The following ASCC3 variants were observed in gnomAD, a reference collection of about 807,000 sequenced individuals.
The protein encoded by ASCC3 is activating signal cointegrator 1 complex subunit 3, also known as ASC-1 complex subunit P200.
In ASCC3, 158 loss-of-function variants were observed where a neutral mutation model predicts 256.3. The ratio of observed to expected loss-of-function variants is 0.62; its 90% confidence interval spans 0.54 to 0.70. ASCC3 has a LOEUF of 0.70. ASCC3 is among the 30% of genes least tolerant of loss of function. ASCC3 has a pLI of 0.00. For synonymous variants in ASCC3, 948 were observed against 883.4 expected (o/e 1.07, Z -1.30); for missense variants, 2,259 against 2,626.0 (o/e 0.86, Z 3.05).
chr6:100,532,715 T>C (rs1774977408), intron 37 of ASCC3, among the ~76,000 whole-genome samples: 1 of 152,012 alleles, frequency 6.6e-6, no homozygotes. Context: ...CAATGACACA[T>C]TAAAACTGCT....
chr6:100,818,385 G>C (rs1278347963), intron 4 of ASCC3, among the ~76,000 whole-genome samples: 1 of 151,756 alleles, frequency 6.6e-6, no homozygotes, highest in Non-Finnish European at 1.5e-5. Context: ...TGGCCAAGAT[G>C]GTGAAACCCC....
rs1562251336 is a variant in ASCC3 at position 100,723,885 on chromosome 6, TA to T, written c.1902+1653del. On this transcript the variant is annotated intron_variant, in intron 11 of 41. Coordinates refer to ENST00000369162, the MANE Select transcript of ASCC3 (RefSeq NM_006828.4). ...TTATATATATATATATATATATATA[TA>T]TATATATATATTTATAATTATATAT... Among the ~76,000 whole-genome samples, 14 of 136,318 alleles carry T rather than the reference TA, an allele frequency of 1.0e-4. 1 individual carries two copies. The highest frequency in any genetic ancestry group is 1.5e-4 in the Non-Finnish European group (10 of 64,702). 89.4% of individuals were successfully genotyped at this position (136,318 alleles called of 152,430 possible).
intron 30 of ASCC3, among the ~76,000 whole-genome samples, chr6:100,616,003 A>G (rs1245395698): frequency 6.6e-6 from 1 of 152,220 alleles, no homozygotes; most frequent in Non-Finnish European, 1.5e-5. Flanking sequence ...TGAGTTAGAA[A>G]TGATGTTGTT....
intron 36 of ASCC3, among the ~76,000 whole-genome samples, chr6:100,579,953 C>A (rs954372773): frequency 2.6e-5 from 4 of 152,152 alleles, no homozygotes; most frequent in African/African-American, 4.8e-5. Flanking sequence ...TCTTCCTATT[C>A]ATGAATACGA....
At chr6:100,679,152 T>G (rs1777165739) in intron 14 of ASCC3, among the ~76,000 whole-genome samples, 2 of 151,656 alleles carry the variant, frequency 1.3e-5, no homozygotes. Flanking sequence ...TTTGAGCATG[T>G]GTACACTGAG....
At chr6:100,644,238 A>G in intron 22 of ASCC3, 109 bp from the exon 23 acceptor site, 1 of 768,816 alleles carries the variant, frequency 1.3e-6, no homozygotes, top group Non-Finnish European at 2.3e-6. Context: ...TATATTACAA[A>G]GTTTACTCAT....
At position 100,642,693 on chromosome 6, in the gene ASCC3, C is replaced by T. The variant is rs769678766; in HGVS notation, c.3789G>A (p.Leu1263=). ...LVFTIPIFEP[L]PSQYYIRAVS... Reference sequence around the variant, plus strand: ...CTGCTCGGATGTAGTATTGGGAAGGCAAAGGCTCAAAAATAGGGATTGTAA... The same window carrying T: ...CTGCTCGGATGTAGTATTGGGAAGGTAAAGGCTCAAAAATAGGGATTGTAA... Residue 1263 remains leucine (L), a synonymous_variant, in exon 24 of 42, where the codon TTG becomes TTA. Transcript: ENST00000369162. 38 of 1,613,828 alleles carry T rather than the reference C, an allele frequency of 2.4e-5. No homozygotes were observed. The highest frequency in any genetic ancestry group is 3.1e-5 in the Non-Finnish European group (37 of 1,179,838).
intron 36 of ASCC3, among the ~76,000 whole-genome samples, chr6:100,567,510 A>G (rs77964892): frequency 0.016 from 2,452 of 152,282 alleles, 64 homozygotes; most frequent in African/African-American, 0.056. Context: ...GAATGATTCT[A>G]TCACCCAAGT....
In ASCC3 at chr6:100,627,711, C is replaced by G. The variant is rs1774311897; in HGVS notation, c.4522-1G>C. 1 of 1,613,280 alleles carries G rather than the reference C, an allele frequency of 6.2e-7. No individual in the cohort carries two copies. The highest frequency in any genetic ancestry group is 8.5e-7 in the Non-Finnish European group (1 of 1,179,680). On this transcript the variant is annotated splice_acceptor_variant, in intron 28 of 41. Coordinates refer to ENST00000369162, the MANE Select transcript of ASCC3 (RefSeq NM_006828.4). LOFTEE classifies it high-confidence loss of function. ...ATGGTCGGAAGTTAAACAAGCCCAT[C>G]TAGAGTAAATATGAGAGAGAAACCA...
intron 24 of ASCC3, among the ~76,000 whole-genome samples, chr6:100,640,713 C>T (rs1383822246): frequency 8.5e-5 from 13 of 152,108 alleles, no homozygotes; most frequent in Non-Finnish European, 8.8e-5. Flanking sequence ...CTAGATACTA[C>T]AATCTCATTA....
chr6:100,611,866 T>A (rs1355556176), intron 30 of ASCC3, among the ~76,000 whole-genome samples: 2 of 148,890 alleles, frequency 1.3e-5, no homozygotes, highest in African/African-American at 2.5e-5. Context: ...GCTATAGAAT[T>A]AAAAAAAAAA....
intron 10 of ASCC3, among the ~76,000 whole-genome samples, chr6:100,748,628 C>G (rs1780794106): frequency 6.6e-6 from 1 of 151,956 alleles, no homozygotes; most frequent in Non-Finnish European, 1.5e-5. Flanking sequence ...AGCACCACAT[C>G]TTTCACACAA....
At chr6:100,779,026 A>C (rs1479901926) in intron 8 of ASCC3, among the ~76,000 whole-genome samples, 2 of 152,150 alleles carry the variant, frequency 1.3e-5, no homozygotes, top group African/African-American at 4.8e-5. Context: ...AAAAATCTTT[A>C]AGGTAATTTT....
rs148730899 is a variant in ASCC3 at position 100,770,169 on chromosome 6, A to C, written c.1396-2824T>G. Among the ~76,000 whole-genome samples the C allele has an allele frequency of 5.2e-3, 794 of 152,156 alleles. 8 individuals are homozygous for C. The highest frequency in any genetic ancestry group is 0.018 in the African/African-American group (764 of 41,574). On this transcript the variant is annotated intron_variant, in intron 8 of 41. Coordinates refer to ENST00000369162, the MANE Select transcript of ASCC3 (RefSeq NM_006828.4). ...CAGACTAATACTCCTCAAAGCATAA[A>C]TTTAAAAATTATAAATGACATAATA...
intron 36 of ASCC3, among the ~76,000 whole-genome samples, chr6:100,586,192 C>T (rs1385563157): frequency 1.3e-5 from 2 of 152,198 alleles, no homozygotes; most frequent in Admixed American, 6.5e-5. Context: ...AGAGGTGGGG[C>T]CTACAGAGGC....
In ASCC3 at chr6:100,859,030, T is replaced by G; in HGVS notation, c.241+5034A>C. 6.9e-6 allele frequency: 5 copies of G among 726,552 alleles called. No homozygotes were observed. The South Asian group carries it at 7.3e-5, about 11-fold the overall frequency. 45.0% of individuals were successfully genotyped at this position (726,552 alleles called of 1,614,324 possible). ...TAGATTTCTTTGTACTTAAGGTTTT[T>G]AATTACAGATTAAATTCCTTTAATA... On this transcript the variant is annotated intron_variant, in intron 3 of 41. Transcript: ENST00000369162.
chr6:100,558,071 G>GA (rs61091826), intron 36 of ASCC3, among the ~76,000 whole-genome samples: 7,589 of 129,376 alleles, frequency 0.059, 245 homozygotes, highest in African/African-American at 0.083. Context: ...TCACTTCTTT[G>GA]AAAAAAAAAA....
At chr6:100,795,341 G>A (rs565069856) in intron 8 of ASCC3, among the ~76,000 whole-genome samples, 4 of 152,006 alleles carry the variant, frequency 2.6e-5, no homozygotes, top group African/African-American at 9.6e-5. Flanking sequence ...AAACACAAAA[G>A]GGGGTGGGTA....
intron 14 of ASCC3, among the ~76,000 whole-genome samples, chr6:100,676,364 G>A (rs188904072): frequency 1.8e-4 from 28 of 152,240 alleles, no homozygotes; most frequent in African/African-American, 6.7e-4. Flanking sequence ...GTACGTTTCA[G>A]AAATGTTTAG....
Sources: gnomAD v4.1 joint callset for allele counts (sites outside exome capture counted in the v4.1 genomes callset) on GRCh38, gnomAD v4.1.1 for gene constraint, MANE v1.5 for transcripts, NCBI Gene and HGNC (gene_info 2026-07-23, HGNC 2026-07-21) for gene names.